The following SLC39A11 variants were observed in gnomAD, a reference collection of about 807,000 sequenced individuals.
SLC39A11 encodes solute carrier family 39 member 11, also known as zinc transporter ZIP11.
Under a neutral mutation model 36.1 loss-of-function variants are expected in SLC39A11, and 33 were observed. That is an observed-to-expected ratio of 0.91 (90% CI 0.69 to 1.22). The LOEUF is 1.22. Ranked by LOEUF, SLC39A11 falls within the 50% of genes most tolerant of loss-of-function variation. The probability of loss-of-function intolerance (pLI) is 0.00; values close to 1 mark genes in which losing one functional copy is unlikely to be tolerated. For missense variants in SLC39A11, 432 were observed against 430.3 expected (o/e 1.00, Z -0.03); for synonymous variants, 166 against 170.3 (o/e 0.97, Z 0.20).
chr17:72,904,269 T>C (rs1169625341), intron 5 of SLC39A11, among the ~76,000 whole-genome samples: 1 of 152,066 alleles, frequency 6.6e-6, no homozygotes, highest in African/African-American at 2.4e-5. Flanking sequence ...AGTGAGACTC[T>C]ATCTCTAAAA....
At chr17:73,088,225 T>C (rs143052185) in intron 2 of SLC39A11, among the ~76,000 whole-genome samples, 3,272 of 139,482 alleles carry the variant, frequency 0.023, 122 homozygotes, top group African/African-American at 0.083. Context: ...ACCCGGGAGG[T>C]GGAGGTTGCA....
chr17:72,970,737 G>A (rs2087380225), intron 4 of SLC39A11, among the ~76,000 whole-genome samples: 1 of 152,232 alleles, frequency 6.6e-6, no homozygotes, highest in African/African-American at 2.4e-5. Context: ...GGGTCAAAGG[G>A]CCAGTGGATC....
intron 5 of SLC39A11, among the ~76,000 whole-genome samples, chr17:72,878,912 T>C (rs550400382): frequency 3.3e-5 from 5 of 152,358 alleles, no homozygotes; most frequent in African/African-American, 7.2e-5. Flanking sequence ...TTCTGACTGA[T>C]CCACTATAAA....
chr17:72,656,898 C>T (rs1403390239), intron 7 of SLC39A11, among the ~76,000 whole-genome samples: 1 of 151,664 alleles, frequency 6.6e-6, no homozygotes, highest in Non-Finnish European at 1.5e-5. Context: ...AATCCCGGCA[C>T]TTTGGGAGGC....
At chr17:72,801,691 T>A (rs960770709) in intron 6 of SLC39A11, among the ~76,000 whole-genome samples, 41 of 152,194 alleles carry the variant, frequency 2.7e-4, no homozygotes, top group Non-Finnish European at 1.3e-4. Context: ...CAGGATGGCA[T>A]TTTAAAAAAG....
At chr17:72,908,694 C>T (rs1412629123) in intron 5 of SLC39A11, among the ~76,000 whole-genome samples, 1 of 152,202 alleles carries the variant, frequency 6.6e-6, no homozygotes, top group Non-Finnish European at 1.5e-5. Context: ...ATGCTAGGTG[C>T]ATGCCAAATA....
At chr17:72,860,747 A>G (rs2079935112) in intron 5 of SLC39A11, among the ~76,000 whole-genome samples, 1 of 152,244 alleles carries the variant, frequency 6.6e-6, no homozygotes, top group African/African-American at 2.4e-5. Context: ...AGCAGGAACA[A>G]TGATTCTGGG....
At chr17:72,866,441 G>C (rs192112355) in intron 5 of SLC39A11, among the ~76,000 whole-genome samples, 1 of 152,276 alleles carries the variant, frequency 6.6e-6, no homozygotes, top group East Asian at 1.9e-4. Context: ...AATGTAATGT[G>C]TGTGAATCAT....
chr17:72,787,098 G>A (rs1271483119), intron 6 of SLC39A11, among the ~76,000 whole-genome samples: 2 of 152,062 alleles, frequency 1.3e-5, no homozygotes, highest in African/African-American at 4.8e-5. Flanking sequence ...GGCATTACAG[G>A]TGTGAGCCAC....
intron 5 of SLC39A11, among the ~76,000 whole-genome samples, chr17:72,906,427 C>T (rs576392551): frequency 6.6e-6 from 1 of 152,354 alleles, no homozygotes; most frequent in East Asian, 1.9e-4. Flanking sequence ...CCTTCCTACC[C>T]AAAACCAGAA....
chr17:72,798,492 C>T (rs368369502), intron 6 of SLC39A11, among the ~76,000 whole-genome samples: 9 of 148,830 alleles, frequency 6.0e-5, no homozygotes, highest in African/African-American at 2.2e-4. Flanking sequence ...CAGCTCTCTG[C>T]AACCTCTGCC....
intron 3 of SLC39A11, among the ~76,000 whole-genome samples, chr17:73,056,304 G>A (rs1025758373): frequency 1.3e-5 from 2 of 152,086 alleles, no homozygotes; most frequent in Admixed American, 1.3e-4. Flanking sequence ...GAGTAGCTGG[G>A]ACTATAGGCG....
At chr17:72,933,845 G>A (rs547564323) in intron 5 of SLC39A11, among the ~76,000 whole-genome samples, 2 of 152,200 alleles carry the variant, frequency 1.3e-5, no homozygotes, top group South Asian at 4.1e-4. Context: ...GTAGATATTG[G>A]CAAGCTGATT....
At chr17:73,088,577 A>G in intron 2 of SLC39A11, 80 bp downstream of exon 2, 1 of 1,159,532 alleles carries the variant, frequency 8.6e-7, no homozygotes, top group Non-Finnish European at 1.3e-6. Context: ...AAGTCTACAA[A>G]CCTGCTCCAT....
intron 4 of SLC39A11, among the ~76,000 whole-genome samples, chr17:73,022,252 C>A (rs752960808): frequency 2.0e-5 from 3 of 152,196 alleles, no homozygotes; most frequent in Non-Finnish European, 4.4e-5. Flanking sequence ...CACCTAAATG[C>A]GCACTTGCAG....
At chr17:72,953,207 ATTC>A (rs1395527534) in intron 4 of SLC39A11, among the ~76,000 whole-genome samples, 7 of 152,056 alleles carry the variant, frequency 4.6e-5, no homozygotes, top group Admixed American at 1.3e-4. Context: ...TATCATAATG[ATTC>A]TTCTTCTTGG....
At chr17:72,959,325 G>GTGTATATATATATATA (rs1436484912) in intron 4 of SLC39A11, among the ~76,000 whole-genome samples, 7 of 65,546 alleles carry the variant, frequency 1.1e-4, no homozygotes, top group African/African-American at 2.1e-4. Context: ...GTGTGTGTGT[G>GTGTATATATATATATA]TATATATATA....
intron 4 of SLC39A11, among the ~76,000 whole-genome samples, chr17:72,962,899 A>G (rs2086706322): frequency 6.6e-6 from 1 of 152,200 alleles, no homozygotes; most frequent in African/African-American, 2.4e-5. Flanking sequence ...AGAGCTGGCT[A>G]TATGACTATA....
At chr17:72,765,113 A>G (rs1374602989) in intron 6 of SLC39A11, among the ~76,000 whole-genome samples, 1 of 152,208 alleles carries the variant, frequency 6.6e-6, no homozygotes, top group Non-Finnish European at 1.5e-5. Flanking sequence ...GAATCCTGCC[A>G]AGTGTAGACA....
Sources: gnomAD v4.1 joint callset for allele counts (sites outside exome capture counted in the v4.1 genomes callset) on GRCh38, gnomAD v4.1.1 for gene constraint, MANE v1.5 for transcripts, NCBI Gene and HGNC (gene_info 2026-07-23, HGNC 2026-07-21) for gene names.